Variants in NPAT observed in about 807,000 individuals in gnomAD.
NPAT encodes nuclear protein, coactivator of histone transcription.
NPAT carries 52 observed loss-of-function variants against 130.7 expected under a neutral mutation model. The ratio of observed to expected loss-of-function variants is 0.40; its 90% CI spans 0.32 to 0.50. The LOEUF is 0.50. NPAT is among the 20% of genes least tolerant of loss of function. The probability of loss-of-function intolerance (pLI) is 0.68; values close to 1 mark genes in which losing one functional copy is unlikely to be tolerated. For synonymous variants in NPAT, 580 were observed against 584.8 expected (o/e 0.99, Z 0.12); for missense variants, 1,687 against 1,662.6 (o/e 1.01, Z -0.26).
intron 12 of NPAT, among the ~76,000 whole-genome samples, chr11:108,174,475 A>C (rs572165519): frequency 1.3e-5 from 2 of 152,136 alleles, no homozygotes; most frequent in Admixed American, 1.3e-4. Flanking sequence ...ACAGAAAGTC[A>C]TAAGAAAGCA....
At chr11:108,220,126 T>C (rs567525092) in intron 1 of NPAT, among the ~76,000 whole-genome samples, 11 of 152,314 alleles carry the variant, frequency 7.2e-5, no homozygotes, top group African/African-American at 2.6e-4. Flanking sequence ...CTTGAATAAA[T>C]AGATAAAAAC....
chr11:108,209,706 G>A (rs912204130), intron 1 of NPAT, among the ~76,000 whole-genome samples: 5 of 151,888 alleles, frequency 3.3e-5, no homozygotes, highest in African/African-American at 1.2e-4. Flanking sequence ...TGGCTAACAT[G>A]GTGAAACCTC....
At chr11:108,192,924 A>T (rs1428874439) in intron 3 of NPAT, among the ~76,000 whole-genome samples, 1 of 152,146 alleles carries the variant, frequency 6.6e-6, no homozygotes, top group African/African-American at 2.4e-5. Context: ...ATTGCACTCC[A>T]GCCTGGGCAA....
rs559677250 is a variant in NPAT, at chr11:108,168,103, T to C, written c.3010+1641A>G. ...GTGAGGGAAGCAGGGAAAATAATGG[T>C]AGAAGTATAAATTTTCTTCTCTATG... On this transcript the variant is annotated intron_variant, in intron 15 of 17. Coordinates refer to ENST00000278612, the MANE Select transcript of NPAT (RefSeq NM_002519.3). Among the ~76,000 whole-genome samples the C allele has an allele frequency of 7.2e-4, 109 of 152,266 alleles. 1 individual carries two copies. Among genetic ancestry groups the C allele is most frequent in the African/African-American group, 2.5e-3 (103 of 41,578 alleles).
In NPAT at chr11:108,176,295, T is replaced by C. The variant is rs753158590; in HGVS notation, c.1083A>G (p.Ala361=). 8 of 1,583,364 alleles carry C rather than the reference T, an allele frequency of 5.1e-6. No homozygotes were observed. The African/African-American group carries it at 1.1e-4, about 21-fold the overall frequency. Residue 361 remains alanine, a synonymous_variant, in exon 12 of 18, where the codon GCA becomes GCG. Coordinates refer to ENST00000278612, the MANE Select transcript of NPAT (RefSeq NM_002519.3). The part of the protein sequence containing the change: ...PMESNPSIVL[A]DETNLAVKGS... Reference sequence around the variant, plus strand: ...CTTTAACTGCTAGATTAGTTTCATCTGCTAAGACTATACTGGGATTGGATT... The same window carrying C: ...CTTTAACTGCTAGATTAGTTTCATCCGCTAAGACTATACTGGGATTGGATT...
chr11:108,181,703 A>G (rs993380419), intron 10 of NPAT, among the ~76,000 whole-genome samples: 64 of 152,024 alleles, frequency 4.2e-4, no homozygotes, highest in African/African-American at 1.5e-3. Flanking sequence ...CTAATTTTGC[A>G]TCCAAGGAAA....
intron 1 of NPAT, among the ~76,000 whole-genome samples, chr11:108,208,012 T>C (rs937678439): frequency 2.0e-5 from 3 of 152,248 alleles, no homozygotes; most frequent in African/African-American, 4.8e-5. Context: ...AAAGTTGTTA[T>C]GTTAATACAG....
intron 15 of NPAT, among the ~76,000 whole-genome samples, chr11:108,165,032 T>G (rs2134824940): frequency 6.6e-6 from 1 of 151,570 alleles, no homozygotes; most frequent in East Asian, 1.9e-4. Context: ...AATAAATAAA[T>G]AAGGAGTGGA....
At chr11:108,202,448 G>T (rs552676921) in intron 1 of NPAT, among the ~76,000 whole-genome samples, 3 of 152,200 alleles carry the variant, frequency 2.0e-5, no homozygotes, top group African/African-American at 7.2e-5. Flanking sequence ...AAATAGAATG[G>T]GCCACCTCTC....
Position 108,191,766 on chromosome 11 carries a change from C to T in NPAT, c.290+352G>A, listed in dbSNP as rs1188643994. ...TTAAGAAACCAAGTGGGCATGGGTT[C>T]AACGCATCAATTCTGTGAATATGTA... On this transcript the variant is annotated intron_variant, in intron 4 of 17. Coordinates refer to ENST00000278612, the MANE Select transcript of NPAT (RefSeq NM_002519.3). Among the ~76,000 whole-genome samples, 6 of 152,146 alleles carry T rather than the reference C, an allele frequency of 3.9e-5. 1 individual carries two copies. The highest frequency in any genetic ancestry group is 3.9e-4 in the Admixed American group (6 of 15,278).
At chr11:108,185,159 T>C in intron 10 of NPAT, 73 bp downstream of exon 10, 1 of 1,040,868 alleles carries the variant, frequency 9.6e-7, no homozygotes, top group South Asian at 1.3e-5. Flanking sequence ...GGTTTTGAAA[T>C]GAAACCAAAA....
intron 6 of NPAT, 99 bp downstream of exon 6, chr11:108,189,007 G>T (rs1478569736): frequency 2.2e-6 from 2 of 906,804 alleles, no homozygotes; most frequent in East Asian, 2.6e-5. Flanking sequence ...TATGGGGGGG[G>T]CCATAATTTT....
At chr11:108,208,745 A>AG (rs1268881187) in intron 1 of NPAT, among the ~76,000 whole-genome samples, 2 of 152,222 alleles carry the variant, frequency 1.3e-5, no homozygotes, top group Non-Finnish European at 2.9e-5. Flanking sequence ...AGTAATACAT[A>AG]GAACAACTAG....
chr11:108,177,118 T>A (rs184680655), intron 10 of NPAT, 28 bp from the exon 11 acceptor site: 3 of 1,152,382 alleles, frequency 2.6e-6, no homozygotes, highest in Non-Finnish European at 3.9e-6. Context: ...CGTGAAGGCA[T>A]GATTCTAACT....
chr11:108,217,288 C>A (rs367928734), intron 1 of NPAT, among the ~76,000 whole-genome samples: 141 of 152,284 alleles, frequency 9.3e-4, no homozygotes, highest in African/African-American at 3.2e-3. Flanking sequence ...CAACCTTGAA[C>A]TGGACTAACT....
At chr11:108,174,765 C>T (rs530117098) in intron 12 of NPAT, among the ~76,000 whole-genome samples, 29 of 151,782 alleles carry the variant, frequency 1.9e-4, no homozygotes, top group African/African-American at 5.3e-4. Flanking sequence ...CAGGTGCGCG[C>T]CAGCCACCAC....
intron 2 of NPAT, among the ~76,000 whole-genome samples, chr11:108,194,825 AT>A (rs1416760021): frequency 0.032 from 4,030 of 125,158 alleles, 85 homozygotes; most frequent in African/African-American, 0.055. Flanking sequence ...TGTTTTCAGT[AT>A]TTTTTTTTTT....
chr11:108,180,779 C>T (rs1340648786), intron 10 of NPAT, among the ~76,000 whole-genome samples: 1 of 152,048 alleles, frequency 6.6e-6, no homozygotes, highest in Non-Finnish European at 1.5e-5. Context: ...TCATGATAGC[C>T]AAGAGAAGCA....
At chr11:108,207,608 G>A (rs1291223407) in intron 1 of NPAT, among the ~76,000 whole-genome samples, 1 of 152,266 alleles carries the variant, frequency 6.6e-6, no homozygotes, top group Non-Finnish European at 1.5e-5. Flanking sequence ...CACCCAGCCA[G>A]GTCCCGACAG....
Sources: gnomAD v4.1 joint callset for allele counts (sites outside exome capture counted in the v4.1 genomes callset) on GRCh38, gnomAD v4.1.1 for gene constraint, MANE v1.5 for transcripts, NCBI Gene and HGNC (gene_info 2026-07-23, HGNC 2026-07-21) for gene names.